The following EVC2 variants were observed in gnomAD, a reference collection of about 807,000 sequenced individuals.
EVC2 encodes the protein EvC ciliary complex subunit 2.
In EVC2, 148 loss-of-function variants were observed where a neutral mutation model predicts 149.3. The ratio of observed to expected loss-of-function variants is 0.99; its 90% CI spans 0.87 to 1.14. The LOEUF (loss-of-function observed/expected upper bound fraction) is 1.14, where lower values mean the gene tolerates loss of function less well. EVC2 is among the 50% of genes most tolerant of loss of function. The probability of loss-of-function intolerance (pLI) is 0.00; values close to 1 mark genes in which losing one functional copy is unlikely to be tolerated. For missense variants in EVC2, 1,854 were observed against 1,627.3 expected, an observed-to-expected ratio of 1.14 and a Z score of -2.40; for synonymous variants, 776 against 649.9, an observed-to-expected ratio of 1.19 and a Z score of -2.95.
intron 16 of EVC2, among the ~76,000 whole-genome samples, chr4:5,601,535 A>C (rs1713980711): frequency 6.6e-6 from 1 of 151,104 alleles, no homozygotes; most frequent in South Asian, 2.1e-4. Context: ...AAAAAAAAAC[A>C]ATGGACGAGA....
intron 9 of EVC2, among the ~76,000 whole-genome samples, chr4:5,655,041 AAGAGAAC>A (rs1160416214): frequency 6.6e-6 from 1 of 152,188 alleles, no homozygotes; most frequent in Non-Finnish European, 1.5e-5. Flanking sequence ...AACACTTGCC[AAGAGAAC>A]AGAAGGTGTT....
chr4:5,666,780 T>A (rs939517438), intron 7 of EVC2, among the ~76,000 whole-genome samples: 1 of 152,214 alleles, frequency 6.6e-6, no homozygotes, highest in Admixed American at 6.5e-5. Flanking sequence ...TCCTTTTTCT[T>A]GGATAATTCT....
In EVC2 at chr4:5,661,181, A is replaced by G. The variant is rs528346321; in HGVS notation, c.1145+1926T>C. Among the ~76,000 whole-genome samples the G allele has an allele frequency of 2.6e-5, 4 of 152,330 alleles. No individual in the cohort carries two copies. In the South Asian group the frequency reaches 6.2e-4, roughly 24 times the overall value. On this transcript the variant is annotated intron_variant, in intron 9 of 21. Transcript: ENST00000344408. The stretch of plus-strand genomic sequence containing the variant: ...AAAAGTTTCCTGTAAATGGAATCCA[A>G]TTTGAAGGGTTCACATTTGGCCCCA...
intron 17 of EVC2, 49 bp downstream of exon 17, chr4:5,584,574 C>T (rs1712096266): frequency 6.4e-7 from 1 of 1,569,706 alleles, no homozygotes; most frequent in Admixed American, 1.8e-5. Flanking sequence ...AGGTAGGTAC[C>T]AGAAAGACCC....
At chr4:5,594,736 T>G (rs971666232) in intron 16 of EVC2, among the ~76,000 whole-genome samples, 1 of 151,620 alleles carries the variant, frequency 6.6e-6, no homozygotes, top group Non-Finnish European at 1.5e-5. Flanking sequence ...CTTGGACGAG[T>G]TGAGAGAAGA....
chr4:5,547,972 G>A (rs889613901), intron 21 of EVC2, among the ~76,000 whole-genome samples: 18 of 152,252 alleles, frequency 1.2e-4, no homozygotes, highest in Admixed American at 1.1e-3. Context: ...GGCAGCCATG[G>A]AAGCTACCTG....
chr4:5,667,139 T>C (rs190475606), intron 7 of EVC2, among the ~76,000 whole-genome samples: 1 of 152,056 alleles, frequency 6.6e-6, no homozygotes, highest in Non-Finnish European at 1.5e-5. Context: ...TCTTATATAG[T>C]AATGTAACTT....
downstream of EVC2, among the ~76,000 whole-genome samples, chr4:5,559,463 A>G (rs1222063034): frequency 6.6e-6 from 1 of 152,212 alleles, no homozygotes; most frequent in Non-Finnish European, 1.5e-5. The surrounding 1 kb of genome is among the most constrained non-coding windows in gnomAD (Gnocchi z 5.0). Context: ...TTTAGTTTCT[A>G]ATACCATTCT....
chr4:5,708,253 T>C, intron 1 of EVC2, 33 bp downstream of exon 1: 1 of 1,464,914 alleles, frequency 6.8e-7, no homozygotes, highest in South Asian at 1.3e-5. Context: ...ACCACTACAG[T>C]CAGACCGGAG....
chr4:5,535,625 G>GAGAGAGAGAGAGATAGAT, the EVC2 span, among the ~76,000 whole-genome samples: 3 of 150,450 alleles, frequency 2.0e-5, no homozygotes, highest in African/African-American at 7.5e-5. This position sits in a 1 kb window ranked among gnomAD's most constrained non-coding sequence, Gnocchi z 4.7. Flanking sequence ...GAGAGAGAGA[G>GAGAGAGAGAGAGATAGAT]AGAGAGAGAA....
intron 17 of EVC2, among the ~76,000 whole-genome samples, chr4:5,580,891 A>G (rs1377406019): frequency 2.0e-5 from 3 of 152,026 alleles, no homozygotes; most frequent in Non-Finnish European, 4.4e-5. Context: ...TGAATGGTTT[A>G]GTGCCATCCC....
chr4:5,610,773 G>A (rs1236532629), intron 16 of EVC2, among the ~76,000 whole-genome samples: 1 of 148,450 alleles, frequency 6.7e-6, no homozygotes. Context: ...AGTGTCTTAT[G>A]TCTTGCTCCT....
At chr4:5,608,082 G>C (rs941174813) in intron 16 of EVC2, among the ~76,000 whole-genome samples, 11 of 152,112 alleles carry the variant, frequency 7.2e-5, no homozygotes, top group Non-Finnish European at 1.3e-4. Flanking sequence ...CTCGATGCTG[G>C]TGTGGCTGCG....
At chr4:5,615,729 T>C (rs1389743921) in intron 15 of EVC2, among the ~76,000 whole-genome samples, 185 bp from the exon 16 acceptor site, 4 of 152,142 alleles carry the variant, frequency 2.6e-5, no homozygotes, top group African/African-American at 7.2e-5. Flanking sequence ...TCAGAGCCTT[T>C]GATCTTCACA....
At chr4:5,650,015 A>G (rs1489443349) in intron 9 of EVC2, among the ~76,000 whole-genome samples, 1 of 152,214 alleles carries the variant, frequency 6.6e-6, no homozygotes, top group East Asian at 1.9e-4. Flanking sequence ...TTAAATTTCT[A>G]GTTGGGTAAA....
intron 16 of EVC2, among the ~76,000 whole-genome samples, chr4:5,598,815 A>T (rs1377093571): frequency 2.6e-5 from 4 of 152,196 alleles, no homozygotes; most frequent in African/African-American, 9.6e-5. Flanking sequence ...TTTGCAACCT[A>T]CTCATCAGAC....
At chr4:5,545,093 G>C (rs911691222) in intron 21 of EVC2, among the ~76,000 whole-genome samples, 2 of 152,136 alleles carry the variant, frequency 1.3e-5, no homozygotes, top group African/African-American at 4.8e-5. Context: ...CCCAGAAAGG[G>C]GGCTTCCTTC....
At chr4:5,656,793 G>A (rs767439307) in intron 9 of EVC2, among the ~76,000 whole-genome samples, 1 of 152,172 alleles carries the variant, frequency 6.6e-6, no homozygotes, top group African/African-American at 2.4e-5. Context: ...ACAGTGACAC[G>A]GTGAGTTTCT....
Position 5,640,397 on chromosome 4 carries a change from G to T in EVC2, c.1470+117C>A. ...GAATAGATGAATGAGTGGGTGGTTGGATGGATGATGGGTAGACGGATGGAG... is the reference window on the plus strand; with the variant it reads ...GAATAGATGAATGAGTGGGTGGTTGTATGGATGATGGGTAGACGGATGGAG... On this transcript the variant is annotated intron_variant, in intron 10 of 21. Coordinates refer to ENST00000344408, the MANE Select transcript of EVC2 (RefSeq NM_147127.5). The surrounding 1 kb of genome is among the most constrained non-coding windows in gnomAD (Gnocchi z 4.6). 1 of 1,192,280 alleles carries T rather than the reference G, an allele frequency of 8.4e-7. No individual in the cohort carries two copies. The highest frequency in any genetic ancestry group is 1.3e-6 in the Non-Finnish European group (1 of 799,266). The allele number at this position is 1,192,280 out of a possible 1,614,324, so 73.9% of individuals were successfully genotyped here.
Sources: gnomAD v4.1 joint callset for allele counts (sites outside exome capture counted in the v4.1 genomes callset) on GRCh38, gnomAD v4.1.1 for gene constraint, Gnocchi (gnomAD v3.1) non-coding constraint, MANE v1.5 for transcripts, NCBI Gene and HGNC (gene_info 2026-07-23, HGNC 2026-07-21) for gene names.